TTN: variants seen among roughly 807,000 people sequenced by gnomAD.
The protein encoded by TTN is connectin.
Under a neutral mutation model 3,223.0 loss-of-function variants are expected in TTN, and 1,525 were observed. That is an observed-to-expected ratio of 0.47 (90% CI 0.45 to 0.49). TTN has a LOEUF of 0.49. Among genes scored for constraint, TTN ranks in the 20% least tolerant of loss-of-function variants. TTN has a pLI of 0.00. For synonymous variants in TTN, 14,094 were observed against 15,161.0 expected (o/e 0.93, Z 5.17); for missense variants, 40,786 against 43,424.0 (o/e 0.94, Z 5.40).
intron 106 of TTN, among the ~76,000 whole-genome samples, chr2:178,703,121 G>A (rs16866442): frequency 0.049 from 7,462 of 152,048 alleles, 462 homozygotes; most frequent in African/African-American, 0.14. Flanking sequence ...AATTTCAAAC[G>A]CAATCGGAAA....
intron 47 of TTN, chr2:178,745,297 G>C (rs943794369): frequency 4.0e-6 from 5 of 1,247,176 alleles, no homozygotes; most frequent in Non-Finnish European, 5.1e-6. Context: ...GAGGCATGAG[G>C]GTAAATAGAA....
intron 47 of TTN, chr2:178,750,493 T>C (rs756893873): frequency 1.2e-5 from 20 of 1,612,772 alleles, no homozygotes; most frequent in Non-Finnish European, 1.5e-5. Flanking sequence ...GTTGAGGATA[T>C]CCTTGAAAAT....
Position 178,651,865 on chromosome 2 carries a change from C to T in TTN, c.39379+19G>A. ...GGAAAGAGTGGCCGAGGTGTCCTAGCAGCTTTCTTGCCATGTACCTTGTGG... is the reference window on the plus strand; with the variant it reads ...GGAAAGAGTGGCCGAGGTGTCCTAGTAGCTTTCTTGCCATGTACCTTGTGG... On this transcript the variant is annotated intron_variant, in intron 205 of 362. Coordinates refer to ENST00000589042, the MANE Select transcript of TTN (RefSeq NM_001267550.2). 2.5e-6 allele frequency: 4 copies of T among 1,601,724 alleles called. No homozygotes were observed. The South Asian group carries it at 4.5e-5, about 18-fold the overall frequency.
intron 99 of TTN, 79 bp from the exon 100 acceptor site, chr2:178,707,892 A>C: frequency 6.8e-7 from 1 of 1,473,672 alleles, no homozygotes; most frequent in Non-Finnish European, 9.1e-7. Context: ...AAATAAAGAG[A>C]AAAACTGGCC....
At position 178,730,085 on chromosome 2, in the gene TTN, G is replaced by A. The variant is rs1381299065; in HGVS notation, c.18307+8C>T. The A allele has an allele frequency of 6.5e-7, 1 of 1,535,500 alleles. No individual in the cohort carries two copies. Among genetic ancestry groups the A allele is most frequent in the South Asian group, 1.1e-5 (1 of 89,566 alleles). ...AAGCAAGAAAGTGAGGAGATGTAGA[G>A]ACCAGACCTTTTACAAAGAGAGTGG... On this transcript the variant is annotated splice_region_variant and intron_variant, in intron 62 of 362. Coordinates refer to ENST00000589042, the MANE Select transcript of TTN (RefSeq NM_001267550.2).
chr2:178,750,650 T>G, intron 47 of TTN: 1 of 1,612,862 alleles, frequency 6.2e-7, no homozygotes, highest in Non-Finnish European at 8.5e-7. Context: ...TTTGAATTCA[T>G]CAATTCGTGT....
Position 178,573,193 on chromosome 2 carries a change from T to G in TTN, c.72939A>C (p.Pro24313=), listed in dbSNP as rs1359501384. The change falls in exon 326 of 363, where the codon CCA becomes CCC. Residue 24313 remains proline (P), a synonymous_variant. Coordinates refer to ENST00000589042, the MANE Select transcript of TTN (RefSeq NM_001267550.2). ...AGISAPSPTS[P]FYKACDTVFK... is the part of the protein sequence containing the mutation. ...ACACAGTGTCACAAGCCTTGTAAAA[T>G]GGACTGGTAGGACTTGGTGCACTAA... The G allele has an allele frequency of 6.2e-7, 1 of 1,609,894 alleles. No individual in the cohort carries two copies.
In TTN at chr2:178,718,509, T is replaced by C. The variant is rs890711548; in HGVS notation, c.24597A>G (p.Pro8199=). ...VLEATYTGTP[P]ISVSWIKDEY... ...CGTCCTTTATCCAGCTCACTGAGAT[T>C]GGAGGTGTGCCAGTGTATGTGGCCT... Residue 8199 remains proline (P), a synonymous_variant, in exon 85 of 363, where the codon CCA becomes CCG. Transcript: ENST00000589042. The C allele has an allele frequency of 6.2e-7, 1 of 1,613,654 alleles. No individual in the cohort carries two copies. The highest frequency in any genetic ancestry group is 1.3e-5 in the African/African-American group (1 of 74,916).
chr2:178,722,016 T>C lies in TTN; in HGVS notation c.22647A>G (p.Ser7549=). The change falls in exon 78 of 363, where the codon TCA becomes TCG. Residue 7549 remains serine, a synonymous_variant. Coordinates refer to ENST00000589042, the MANE Select transcript of TTN (RefSeq NM_001267550.2). The part of the protein sequence containing the change: ...TGAQPMRITW[S]KDNKEIRPGG... ...CAGGACGGATCTCCTTGTTATCTTT[T>C]GACCAAGTGATTCGCATCGGTTGAG... 6.2e-7 allele frequency: 1 copy of C among 1,613,558 alleles called. No individual in the cohort carries two copies. The highest frequency in any genetic ancestry group is 8.5e-7 in the Non-Finnish European group (1 of 1,179,584).
Position 178,547,725 on chromosome 2 carries a change from C to A in TTN, c.93901G>T (p.Val31301Phe). The part of the protein sequence containing the change: ...ENTAGVKTFS[V>F]TVVVIGRPGP... ...GGCCTTCCAATGACCACAACTGTGACGCTAAATGTTTTAACACCAGCTGTA... is the reference window on the plus strand; with the variant it reads ...GGCCTTCCAATGACCACAACTGTGAAGCTAAATGTTTTAACACCAGCTGTA... Residue 31301 changes from valine (V) to phenylalanine (F), a missense_variant, in exon 339 of 363, where the codon GTC becomes TTC. Coordinates refer to ENST00000589042, the MANE Select transcript of TTN (RefSeq NM_001267550.2). 1 of 1,613,860 alleles carries A rather than the reference C, an allele frequency of 6.2e-7. No individual in the cohort carries two copies. The highest frequency in any genetic ancestry group is 8.5e-7 in the Non-Finnish European group (1 of 1,179,832).
In TTN at chr2:178,634,360, G is replaced by T; in HGVS notation, c.42415+6C>A. On this transcript the variant is annotated splice_donor_region_variant and intron_variant, in intron 230 of 362. Transcript: ENST00000589042. The surrounding 1 kb of genome is among the most constrained non-coding windows in gnomAD (Gnocchi z 4.6). ...GGGATGTCACAGATCTCATTAGCTC[G>T]CTTACCTGTGACAAACAACCGAGCT... The T allele has an allele frequency of 6.2e-7, 1 of 1,600,366 alleles. No individual in the cohort carries two copies. Among genetic ancestry groups the T allele is most frequent in the Non-Finnish European group, 8.5e-7 (1 of 1,176,788 alleles).
In TTN at chr2:178,591,306, T is replaced by G; in HGVS notation, c.60419A>C (p.Asn20140Thr). 1 of 1,613,296 alleles carries G rather than the reference T, an allele frequency of 6.2e-7. No individual in the cohort carries two copies. Among genetic ancestry groups the G allele is most frequent in the East Asian group, 2.2e-5 (1 of 44,830 alleles). The change falls in exon 304 of 363, where the codon AAC becomes ACC. Residue 20140 changes from asparagine (N) to threonine (T), a missense_variant. Transcript: ENST00000589042. ...DNFSSVLTIK[N>T]CLRRDTGEYQ... The stretch of plus-strand genomic sequence containing the variant: ...TTCCCCAGTGTCTCTCCTTAAGCAG[T>G]TCTTAATGGTAAGTACTGATGAGAA...
At chr2:178,646,995 A>G (rs906161481) in intron 215 of TTN, 69 bp downstream of exon 215, 8 of 541,036 alleles carry the variant, frequency 1.5e-5, no homozygotes, top group Non-Finnish European at 2.2e-5. Context: ...TGTCCTGTAA[A>G]TGCTTTTGTA....
rs141324241 is a variant in TTN at position 178,781,583 on chromosome 2, A to AT, written c.3381-321dup. 0.05 allele frequency among the ~76,000 whole-genome samples: 7,587 copies of AT among 152,246 alleles called. 362 individuals are homozygous for AT. The highest frequency in any genetic ancestry group is 0.18 in the East Asian group (956 of 5,172). On this transcript the variant is annotated intron_variant, in intron 20 of 362. Coordinates refer to ENST00000589042, the MANE Select transcript of TTN (RefSeq NM_001267550.2). ...AACAGGTATTTTCTCTTTGTTCGTT[A>AT]TTTTTCTCATTATTTCATTCAGAGA...
chr2:178,577,494 G>A lies in TTN; in HGVS notation c.68841C>T (p.Val22947=), dbSNP rs1450354487. 1 of 1,586,050 alleles carries A rather than the reference G, an allele frequency of 6.3e-7. No individual in the cohort carries two copies. Among genetic ancestry groups the A allele is most frequent in the East Asian group, 2.3e-5 (1 of 44,290 alleles). The stretch of plus-strand genomic sequence containing the variant: ...GCCCATCTTTTATTGTGGGATCAAG[G>A]ACAATTGTTGGTGCCTCTGCAAAGA... ...CKDEYEAPTI[V]LDPTIKDGLT... Residue 22947 remains valine, a synonymous_variant, in exon 324 of 363, where the codon GTC becomes GTT. Transcript: ENST00000589042.
Position 178,663,653 on chromosome 2 carries a change from T to C in TTN, c.36506A>G (p.Lys12169Arg). The change falls in exon 171 of 363, where the codon AAA becomes AGA. Residue 12169 changes from lysine (K) to arginine (R), a missense_variant. Physicochemically the swap from Lys to Arg is conservative, Grantham distance 26. Coordinates refer to ENST00000589042, the MANE Select transcript of TTN (RefSeq NM_001267550.2). The part of the protein sequence containing the change: ...PEKKAPVAPP[K>R]EPEVPPVKVP... ...TTTAACAGGTGGGACTTCAGGCTCT[T>C]TAGGAGGAGCCACTGGCGCTTTCTT... 6.2e-7 allele frequency: 1 copy of C among 1,613,642 alleles called. No individual in the cohort carries two copies. The highest frequency in any genetic ancestry group is 8.5e-7 in the Non-Finnish European group (1 of 1,179,734).
chr2:178,665,060 G>T, intron 165 of TTN, 134 bp from the exon 166 acceptor site: 1 of 1,086,048 alleles, frequency 9.2e-7, no homozygotes, highest in Admixed American at 2.4e-5. Flanking sequence ...AATAGGCTAA[G>T]TCTTTTAAGG....
In TTN at chr2:178,781,240, T is replaced by G; in HGVS notation, c.3404A>C (p.Gln1135Pro). 6.2e-7 allele frequency: 1 copy of G among 1,614,066 alleles called. No homozygotes were observed. The highest frequency in any genetic ancestry group is 8.5e-7 in the Non-Finnish European group (1 of 1,179,948). The change falls in exon 21 of 363, where the codon CAA (glutamine) becomes CCA (proline). Residue 1135 changes from glutamine (Q) to proline (P), a missense_variant. Transcript: ENST00000589042. ...AATCACCAGCTTGCATTCACCGGTTTGTTTGTTGTAACTCACTTTGTATCT... is the reference window on the plus strand; with the variant it reads ...AATCACCAGCTTGCATTCACCGGTTGGTTTGTTGTAACTCACTTTGTATCT... ...GYRYKVSYNK[Q>P]TGECKLVISM...
chr2:178,765,919 C>T (rs997033626), intron 41 of TTN, among the ~76,000 whole-genome samples: 1 of 152,078 alleles, frequency 6.6e-6, no homozygotes, highest in Admixed American at 6.6e-5. Flanking sequence ...GGATCGAGTT[C>T]CACATTGCCT....
Sources: allele counts gnomAD v4.1 joint callset (sites outside exome capture counted in the v4.1 genomes callset), GRCh38; gene constraint gnomAD v4.1.1; non-coding constraint Gnocchi (gnomAD v3.1); transcripts MANE v1.5; gene names NCBI Gene and HGNC (gene_info 2026-07-23, HGNC 2026-07-21).